Variants in FAT3 observed in about 807,000 individuals in gnomAD.
FAT3 encodes protocadherin Fat 3.
In FAT3, 95 loss-of-function variants were observed where a neutral mutation model predicts 310.2. The ratio of observed to expected loss-of-function variants is 0.31; its 90% CI spans 0.26 to 0.36. The LOEUF is 0.36. FAT3 is among the 10% of genes least tolerant of loss of function. FAT3 has a pLI of 1.00. For synonymous variants in FAT3, 2,314 were observed against 2,192.9 expected, an observed-to-expected ratio of 1.06 and a Z score of -1.54; for missense variants, 5,408 against 5,715.6, an observed-to-expected ratio of 0.95 and a Z score of 1.74.
intron 2 of FAT3, among the ~76,000 whole-genome samples, chr11:92,505,655 C>T (rs1565368728): frequency 6.6e-6 from 1 of 152,088 alleles, no homozygotes; most frequent in Non-Finnish European, 1.5e-5. Flanking sequence ...TATTTCTACC[C>T]TCCTGGGACT....
intron 1 of FAT3, among the ~76,000 whole-genome samples, chr11:92,225,725 C>G (rs1440899043): frequency 6.6e-6 from 1 of 152,124 alleles, no homozygotes; most frequent in Non-Finnish European, 1.5e-5. Flanking sequence ...GGTTACCAGT[C>G]TGCGGGTCCG....
intron 1 of FAT3, among the ~76,000 whole-genome samples, chr11:92,345,253 T>G (rs1393136083): frequency 3.3e-5 from 5 of 152,118 alleles, no homozygotes; most frequent in Non-Finnish European, 7.4e-5. Flanking sequence ...TGATTCAATT[T>G]TTACCATTTC....
chr11:92,860,852 A>C (rs1266375151), intron 21 of FAT3, among the ~76,000 whole-genome samples: 1 of 152,214 alleles, frequency 6.6e-6, no homozygotes, highest in East Asian at 1.9e-4. Context: ...GCCATAGTTG[A>C]GTGAGCAGGG....
intron 2 of FAT3, among the ~76,000 whole-genome samples, chr11:92,505,301 A>T (rs1953065831): frequency 6.6e-6 from 1 of 152,114 alleles, no homozygotes; most frequent in Admixed American, 6.5e-5. Flanking sequence ...AATGGTTCTG[A>T]CTGATGCTGC....
chr11:92,599,398 ACTGCC>A (rs1939893920), intron 3 of FAT3, among the ~76,000 whole-genome samples: 1 of 152,166 alleles, frequency 6.6e-6, no homozygotes, highest in African/African-American at 2.4e-5. Context: ...CATGGAGGTA[ACTGCC>A]CTCATGATTC....
intron 2 of FAT3, among the ~76,000 whole-genome samples, chr11:92,489,468 G>A (rs1360947879): frequency 2.0e-5 from 3 of 152,044 alleles, no homozygotes; most frequent in Non-Finnish European, 2.9e-5. Context: ...CTTATGGAGA[G>A]TCTGTTAGGT....
chr11:92,286,759 T>G (rs1946570598), intron 1 of FAT3, among the ~76,000 whole-genome samples: 1 of 152,188 alleles, frequency 6.6e-6, no homozygotes, highest in African/African-American at 2.4e-5. Context: ...TTAACGCTTG[T>G]GGCATCTGTT....
chr11:92,432,294 TTGTC>T (rs1406574574), intron 2 of FAT3, among the ~76,000 whole-genome samples: 1 of 152,140 alleles, frequency 6.6e-6, no homozygotes, highest in Non-Finnish European at 1.5e-5. Flanking sequence ...ATTTGGCTGT[TTGTC>T]TGTTATTGGT....
At chr11:92,808,309 A>C (rs1947564974) in intron 12 of FAT3, among the ~76,000 whole-genome samples, 1 of 152,198 alleles carries the variant, frequency 6.6e-6, no homozygotes, top group Non-Finnish European at 1.5e-5. Context: ...GGCACAGATG[A>C]AGATGTAACT....
intron 3 of FAT3, among the ~76,000 whole-genome samples, chr11:92,634,305 C>T (rs1233902528): frequency 1.3e-5 from 2 of 152,152 alleles, no homozygotes; most frequent in African/African-American, 4.8e-5. Flanking sequence ...CTTTTGTTTT[C>T]TATTTCCCTA....
intron 24 of FAT3, among the ~76,000 whole-genome samples, chr11:92,884,340 C>T (rs1451930543): frequency 6.6e-6 from 1 of 151,972 alleles, no homozygotes; most frequent in Non-Finnish European, 1.5e-5. Flanking sequence ...GGCTTTCTTC[C>T]CAAAAAGGGA....
chr11:92,881,202 G>A (rs967284064), intron 23 of FAT3, among the ~76,000 whole-genome samples: 6 of 152,094 alleles, frequency 3.9e-5, no homozygotes, highest in Non-Finnish European at 7.4e-5. Flanking sequence ...ATTATAATTC[G>A]GAGGCAGACA....
chr11:92,570,449 A>T (rs1955632457), intron 3 of FAT3, among the ~76,000 whole-genome samples: 1 of 152,180 alleles, frequency 6.6e-6, no homozygotes, highest in South Asian at 2.1e-4. Context: ...TGAAGTTTTG[A>T]TTATGAAAAT....
At chr11:92,439,243 A>G (rs183658739) in intron 2 of FAT3, among the ~76,000 whole-genome samples, 1 of 143,646 alleles carries the variant, frequency 7.0e-6, no homozygotes, top group East Asian at 1.9e-4. Context: ...ATGCTCTTTT[A>G]AAAAAACAGG....
At chr11:92,227,447 C>A (rs773461331) in intron 1 of FAT3, among the ~76,000 whole-genome samples, 2 of 152,114 alleles carry the variant, frequency 1.3e-5, no homozygotes, top group East Asian at 3.9e-4. Context: ...TGGATCCAGG[C>A]GGCAAACTCA....
chr11:92,732,548 T>G (rs541421216), intron 4 of FAT3, among the ~76,000 whole-genome samples: 6 of 152,176 alleles, frequency 3.9e-5, no homozygotes, highest in Non-Finnish European at 5.9e-5. Flanking sequence ...CATCTGACAG[T>G]AGAGAATCAG....
At chr11:92,236,081 A>G (rs1237000527) in intron 1 of FAT3, among the ~76,000 whole-genome samples, 3 of 152,156 alleles carry the variant, frequency 2.0e-5, no homozygotes, top group African/African-American at 7.2e-5. Flanking sequence ...AGCCTTTCTC[A>G]ATTCTATTTA....
In FAT3 at chr11:92,883,096, G is replaced by A. The variant is rs2136413767; in HGVS notation, c.12640G>A (p.Gly4214Ser). Reference sequence around the variant, plus strand: ...TGGCATCCCGTTCCGGAACCTGCGCGGCAGTGGGGACGGCCGCAACGTCTA... The same window carrying A: ...TGGCATCCCGTTCCGGAACCTGCGCAGCAGTGGGGACGGCCGCAACGTCTA... ...SNGIPFRNLR[G>S]SGDGRNVYQE... Residue 4214 changes from glycine (G) to serine (S), a missense_variant, in exon 24 of 28, where the codon GGC becomes AGC. By Grantham distance (56) the Gly-to-Ser change is moderately conservative. Transcript: ENST00000525166. This position sits in a 1 kb window ranked among gnomAD's most constrained non-coding sequence, Gnocchi z 4.2. 3 of 1,613,850 alleles carry A rather than the reference G, an allele frequency of 1.9e-6. No homozygotes were observed. The highest frequency in any genetic ancestry group is 1.3e-5 in the African/African-American group (1 of 75,072).
At chr11:92,570,658 G>A (rs1318480397) in intron 3 of FAT3, among the ~76,000 whole-genome samples, 1 of 152,156 alleles carries the variant, frequency 6.6e-6, no homozygotes, top group Non-Finnish European at 1.5e-5. Context: ...TAAATGCCCT[G>A]CTTAATTTAC....
Sources: gnomAD v4.1 joint callset for allele counts (sites outside exome capture counted in the v4.1 genomes callset) on GRCh38, gnomAD v4.1.1 for gene constraint, Gnocchi (gnomAD v3.1) non-coding constraint, MANE v1.5 for transcripts, NCBI Gene and HGNC (gene_info 2026-07-23, HGNC 2026-07-21) for gene names.